PHKB: variants seen among roughly 807,000 people sequenced by gnomAD.
PHKB encodes the protein phosphorylase kinase regulatory subunit beta, also known as phosphorylase b kinase regulatory subunit beta.
PHKB carries 122 observed loss-of-function variants against 152.1 expected under a neutral mutation model. That is an observed-to-expected ratio of 0.80 (90% CI 0.69 to 0.93). The LOEUF is 0.93. Among genes scored for constraint, PHKB ranks in the 40% least tolerant of loss-of-function variants. The pLI is 0.00. For missense variants in PHKB, 1,304 were observed against 1,328.4 expected, an observed-to-expected ratio of 0.98 and a Z score of 0.29; for synonymous variants, 436 against 464.9, an observed-to-expected ratio of 0.94 and a Z score of 0.80.
rs1974238019 is a variant in PHKB, at chr16:47,700,953, G to T, written c.*1587G>T. ...TGCATAAGAAATTGTATGGATATTAGTTGGCAAAATTGAAATGAATGAGAC... is the reference window on the plus strand; with the variant it reads ...TGCATAAGAAATTGTATGGATATTATTTGGCAAAATTGAAATGAATGAGAC... On this transcript the variant is annotated 3_prime_UTR_variant, in exon 31 of 31. Transcript: ENST00000323584. 6.6e-6 allele frequency: 1 copy of T among 152,174 alleles called. No individual in the cohort carries two copies. The highest frequency in any genetic ancestry group is 6.5e-5 in the Admixed American group (1 of 15,276). 9.4% of individuals were successfully genotyped at this position (152,174 alleles called of 1,614,324 possible).
At chr16:47,537,664 T>G (rs537668248) in intron 6 of PHKB, among the ~76,000 whole-genome samples, 4 of 152,208 alleles carry the variant, frequency 2.6e-5, no homozygotes, top group Non-Finnish European at 5.9e-5. Context: ...ATCTCAAGAT[T>G]TCTAGACTGA....
At chr16:47,567,560 C>A (rs1971591002) in intron 7 of PHKB, among the ~76,000 whole-genome samples, 1 of 152,150 alleles carries the variant, frequency 6.6e-6, no homozygotes, top group African/African-American at 2.4e-5. Context: ...CTGGCTAGGA[C>A]TTCCAGTGCT....
At chr16:47,508,934 A>G (rs1321929168) in intron 4 of PHKB, among the ~76,000 whole-genome samples, 1 of 152,096 alleles carries the variant, frequency 6.6e-6, no homozygotes, top group Non-Finnish European at 1.5e-5. Context: ...TACTTATGTA[A>G]TCCCCCATTT....
chr16:47,641,103 A>C lies in PHKB; in HGVS notation c.1514+13A>C, dbSNP rs1973011539. 1 of 1,600,482 alleles carries C rather than the reference A, an allele frequency of 6.2e-7. No homozygotes were observed. The highest frequency in any genetic ancestry group is 8.6e-7 in the Non-Finnish European group (1 of 1,168,044). On this transcript the variant is annotated intron_variant, in intron 15 of 30. Transcript: ENST00000323584. ...CAGAAAGCCAAAGGTATGAAATCCA[A>C]GTGGGTGGTGTGTTTTTTTGTGGGG...
At chr16:47,546,543 A>T (rs879383593) in intron 6 of PHKB, among the ~76,000 whole-genome samples, 1 of 152,186 alleles carries the variant, frequency 6.6e-6, no homozygotes, top group Non-Finnish European at 1.5e-5. Flanking sequence ...CGTGTCTCCA[A>T]GTTAGGCTAC....
chr16:47,611,339 C>A (rs1296214761), intron 14 of PHKB, among the ~76,000 whole-genome samples: 1 of 151,914 alleles, frequency 6.6e-6, no homozygotes, highest in Non-Finnish European at 1.5e-5. Context: ...ACGTGTTGGG[C>A]AAGGAATAGT....
intron 1 of PHKB, among the ~76,000 whole-genome samples, chr16:47,471,509 C>T (rs1160229230): frequency 6.6e-6 from 1 of 152,138 alleles, no homozygotes; most frequent in Non-Finnish European, 1.5e-5. Flanking sequence ...TCATATAGCT[C>T]TATGTTTAAC....
intron 6 of PHKB, among the ~76,000 whole-genome samples, chr16:47,524,041 C>CAT (rs1290021303): frequency 6.6e-6 from 1 of 152,130 alleles, no homozygotes; most frequent in Non-Finnish European, 1.5e-5. Flanking sequence ...GGCAATTTCA[C>CAT]ATACCCCAAA....
At chr16:47,624,668 T>C (rs926422829) in intron 14 of PHKB, among the ~76,000 whole-genome samples, 1 of 152,216 alleles carries the variant, frequency 6.6e-6, no homozygotes, top group African/African-American at 2.4e-5. Context: ...CCTTTCTCTC[T>C]ACTTACTTCT....
chr16:47,660,560 A>G lies in PHKB; in HGVS notation c.2026A>G (p.Thr676Ala). The G allele has an allele frequency of 6.2e-7, 1 of 1,613,482 alleles. No individual in the cohort carries two copies. Among genetic ancestry groups the G allele is most frequent in the Non-Finnish European group, 8.5e-7 (1 of 1,179,392 alleles). ...ACTTGATTTCCTACGAATCAGTGAC[A>G]CAGAAGAGTAAGTCCCTTTGGGTTA... is the stretch of plus-strand genomic sequence containing the variant. ...EQLDFLRISDTEELPEFKSFE... is the reference protein window; with the variant it reads ...EQLDFLRISDAEELPEFKSFE... Residue 676 changes from threonine to alanine, a missense_variant, in exon 21 of 31, where the codon ACA becomes GCA. Coordinates refer to ENST00000323584, the MANE Select transcript of PHKB (RefSeq NM_000293.3).
At chr16:47,662,555 A>T (rs1973463066) in intron 23 of PHKB, among the ~76,000 whole-genome samples, 1 of 152,234 alleles carries the variant, frequency 6.6e-6, no homozygotes, top group Non-Finnish European at 1.5e-5. Context: ...TCTGGTAATT[A>T]ACTGAGCATA....
At chr16:47,598,736 G>A (rs1972167437) in intron 13 of PHKB, 3 of 1,584,358 alleles carry the variant, frequency 1.9e-6, no homozygotes, top group Non-Finnish European at 2.6e-6. Context: ...TTTCTTGCCA[G>A]ATTTAGTTCA....
intron 20 of PHKB, among the ~76,000 whole-genome samples, chr16:47,658,511 T>G (rs1348982798): frequency 6.6e-6 from 1 of 152,156 alleles, no homozygotes; most frequent in Admixed American, 6.5e-5. Context: ...GAGGGTCATA[T>G]GTGTTTTAGT....
Position 47,669,255 on chromosome 16 carries a change from C to G in PHKB, c.2468C>G (p.Ser823Cys). The G allele has an allele frequency of 9.3e-6, 15 of 1,614,074 alleles. No individual in the cohort carries two copies. Among genetic ancestry groups the G allele is most frequent in the Non-Finnish European group, 1.3e-5 (15 of 1,179,996 alleles). ...TTTGGGCATGAAGAAGAAGTTATCT[C>G]TAATCCTTTGTCTCCAAGAGTGATT... ...GAFGHEEEVISNPLSPRVIQN... is the reference protein window; with the variant it reads ...GAFGHEEEVICNPLSPRVIQN... The change falls in exon 26 of 31, where the codon TCT (serine) becomes TGT (cysteine). Residue 823 changes from serine (S) to cysteine (C), a missense_variant. Coordinates refer to ENST00000323584, the MANE Select transcript of PHKB (RefSeq NM_000293.3).
intron 1 of PHKB, among the ~76,000 whole-genome samples, chr16:47,468,116 A>T (rs1014565453): frequency 2.0e-5 from 3 of 152,148 alleles, no homozygotes; most frequent in African/African-American, 7.2e-5. Flanking sequence ...TTAATCTGTA[A>T]ATCTTTCTAC....
chr16:47,537,805 A>G (rs1970977654), intron 6 of PHKB, among the ~76,000 whole-genome samples: 1 of 152,228 alleles, frequency 6.6e-6, no homozygotes, highest in South Asian at 2.1e-4. Context: ...TACAGGTTAT[A>G]TGTATTCAGG....
chr16:47,484,976 GTACT>G (rs1437282097), intron 1 of PHKB, among the ~76,000 whole-genome samples: 1 of 152,136 alleles, frequency 6.6e-6, no homozygotes, highest in Non-Finnish European at 1.5e-5. Flanking sequence ...GCATTTTAAA[GTACT>G]TAGTTATCTA....
rs538957387 is a variant in PHKB, at chr16:47,596,202, C to T, written c.1205-171C>T. Among the ~76,000 whole-genome samples the T allele has an allele frequency of 3.9e-5, 6 of 152,244 alleles. No individual in the cohort carries two copies. In the South Asian group the frequency reaches 1.2e-3, roughly 32 times the overall value. Reference sequence around the variant, plus strand: ...CCATATAAAACGTACCTTTGCTCTTCCTTCGCCTTCCACCATGATTGTGAG... The same window carrying T: ...CCATATAAAACGTACCTTTGCTCTTTCTTCGCCTTCCACCATGATTGTGAG... On this transcript the variant is annotated intron_variant, in intron 12 of 30. Coordinates refer to ENST00000323584, the MANE Select transcript of PHKB (RefSeq NM_000293.3).
rs190701860 is a variant in PHKB, at chr16:47,661,699, A to G, written c.2197-20A>G. Reference sequence around the variant, plus strand: ...TGTACCCATTTCATTCCAGTTCCTCACCGTGATTTATATTTTCAGGATTGC... The same window carrying G: ...TGTACCCATTTCATTCCAGTTCCTCGCCGTGATTTATATTTTCAGGATTGC... On this transcript the variant is annotated intron_variant, in intron 22 of 30. Transcript: ENST00000323584. The G allele has an allele frequency of 1.9e-6, 3 of 1,561,072 alleles. No individual in the cohort carries two copies. The highest frequency in any genetic ancestry group is 1.8e-6 in the Non-Finnish European group (2 of 1,131,742).
Sources: gnomAD v4.1 joint callset for allele counts (sites outside exome capture counted in the v4.1 genomes callset) on GRCh38, gnomAD v4.1.1 for gene constraint, MANE v1.5 for transcripts, NCBI Gene and HGNC (gene_info 2026-07-23, HGNC 2026-07-21) for gene names.